Variants in ASPRV1 observed in about 807,000 individuals in gnomAD.
ASPRV1 encodes retroviral-like aspartic protease 1.
In ASPRV1, 7 loss-of-function variants were observed where a neutral mutation model predicts 11.0. That is an observed-to-expected ratio of 0.64 (90% CI 0.36 to 1.20). ASPRV1 has a LOEUF of 1.20. Ranked by LOEUF, ASPRV1 falls within the 50% of genes most tolerant of loss-of-function variation. ASPRV1 has a pLI of 0.02. For synonymous variants in ASPRV1, 136 were observed against 138.4 expected, an observed-to-expected ratio of 0.98 and a Z score of 0.12; for missense variants, 299 against 320.0, an observed-to-expected ratio of 0.93 and a Z score of 0.50.
At chr2:70,070,649 T>A in the ASPRV1 span, 2 of 154,352 alleles carry the variant, frequency 1.3e-5, no homozygotes, top group African/African-American at 4.8e-5. Context: ...AATACAAAAA[T>A]TAGCTGGGCA....
the ASPRV1 span, among the ~76,000 whole-genome samples, chr2:70,034,628 TAAAG>T: frequency 6.6e-6 from 1 of 151,776 alleles, no homozygotes; most frequent in African/African-American, 2.4e-5. Context: ...GTCCAATACT[TAAAG>T]AACCTGGTGG....
upstream of ASPRV1, chr2:69,964,719 G>A (rs964644799): frequency 1.2e-5 from 2 of 160,854 alleles, no homozygotes; most frequent in Admixed American, 6.1e-5. Flanking sequence ...GAACCCTGCA[G>A]GAGCAAAGCA....
chr2:70,059,247 AT>A, the ASPRV1 span, among the ~76,000 whole-genome samples: 1 of 133,498 alleles, frequency 7.5e-6, no homozygotes, highest in Non-Finnish European at 1.6e-5. Context: ...CAGTCTGCTG[AT>A]TGGTTTTCTT....
the ASPRV1 span, among the ~76,000 whole-genome samples, chr2:70,022,044 T>C: frequency 6.7e-6 from 1 of 149,486 alleles, no homozygotes; most frequent in Non-Finnish European, 1.5e-5. Context: ...AGATGGAGTC[T>C]GGCTCTGTCA....
the ASPRV1 span, among the ~76,000 whole-genome samples, chr2:70,040,742 G>A: frequency 1.3e-5 from 2 of 152,104 alleles, no homozygotes; most frequent in African/African-American, 4.8e-5. Flanking sequence ...GCTGAGGCAG[G>A]AGAATCACTT....
chr2:69,971,483 G>A, the ASPRV1 span, among the ~76,000 whole-genome samples: 5 of 152,156 alleles, frequency 3.3e-5, no homozygotes, highest in South Asian at 8.3e-4. Flanking sequence ...CCTCTCAAAT[G>A]TTCTAAGGCG....
the ASPRV1 span, among the ~76,000 whole-genome samples, chr2:70,056,941 T>C: frequency 6.6e-6 from 1 of 152,030 alleles, no homozygotes; most frequent in Admixed American, 6.6e-5. Context: ...TTTGCCATGT[T>C]AGGCAAGCTG....
the ASPRV1 span, among the ~76,000 whole-genome samples, chr2:69,979,054 G>C: frequency 6.6e-6 from 1 of 151,916 alleles, no homozygotes; most frequent in African/African-American, 2.4e-5. Context: ...TTGTTTTTTT[G>C]AGACAAAGTC....
the ASPRV1 span, among the ~76,000 whole-genome samples, chr2:69,946,294 G>A: frequency 3.9e-5 from 6 of 152,174 alleles, no homozygotes; most frequent in African/African-American, 1.2e-4. Flanking sequence ...ATGTCCCCTA[G>A]GTACCCCGGA....
the ASPRV1 span, among the ~76,000 whole-genome samples, chr2:70,070,993 G>T: frequency 6.6e-6 from 1 of 152,130 alleles, no homozygotes; most frequent in African/African-American, 2.4e-5. Flanking sequence ...GTCTGGGTTT[G>T]TGAGTTGTTC....
At chr2:69,934,959 T>C in the ASPRV1 span, among the ~76,000 whole-genome samples, 6,933 of 152,188 alleles carry the variant, frequency 0.046, 506 homozygotes, top group African/African-American at 0.16. Flanking sequence ...AAGCCCATCA[T>C]AAATAAAAAA....
rs1179505172 is a variant in ASPRV1, at chr2:69,961,527, G to A, written c.-91C>T. Reference sequence around the variant, plus strand: ...TCGGCGCAATCACGCTGGAAAACGGGGCCTCTCGAAGCAGAGTGGGGATGA... The same window carrying A: ...TCGGCGCAATCACGCTGGAAAACGGAGCCTCTCGAAGCAGAGTGGGGATGA... On this transcript the variant is annotated 5_prime_UTR_variant, in exon 1 of 1. Coordinates refer to ENST00000320256, the MANE Select transcript of ASPRV1 (RefSeq NM_152792.4). The A allele has an allele frequency of 1.2e-6, 2 of 1,614,142 alleles. No homozygotes were observed. Among genetic ancestry groups the A allele is most frequent in the Admixed American group, 3.3e-5 (2 of 60,026 alleles).
chr2:70,081,777 G>T, the ASPRV1 span, among the ~76,000 whole-genome samples: 3 of 151,862 alleles, frequency 2.0e-5, no homozygotes, highest in Non-Finnish European at 2.9e-5. Context: ...TAGAGACAGG[G>T]TCTCACCATG....
At chr2:69,994,588 T>C in the ASPRV1 span, among the ~76,000 whole-genome samples, 1 of 152,170 alleles carries the variant, frequency 6.6e-6, no homozygotes, top group Admixed American at 6.5e-5. Context: ...CTGTCACAGC[T>C]GGGGCAAAGA....
At chr2:69,963,492 T>C (rs150772684), upstream of ASPRV1, 5 of 451,464 alleles carry the variant, frequency 1.1e-5, no homozygotes, top group East Asian at 1.4e-4. Context: ...CCTCTGCACA[T>C]CTGGTCCCCT....
the ASPRV1 span, chr2:69,943,041 AG>A: frequency 1.3e-5 from 2 of 152,166 alleles, no homozygotes; most frequent in Non-Finnish European, 2.9e-5. Flanking sequence ...TTTTAATTTA[AG>A]GGAAACTTCA....
the ASPRV1 span, chr2:70,019,148 C>G: frequency 6.6e-6 from 1 of 152,124 alleles, no homozygotes; most frequent in South Asian, 2.1e-4. Context: ...AAATGGCCAA[C>G]AGGAATCTGA....
At chr2:70,043,444 T>C in the ASPRV1 span, among the ~76,000 whole-genome samples, 7 of 152,242 alleles carry the variant, frequency 4.6e-5, no homozygotes, top group Non-Finnish European at 4.4e-5. Flanking sequence ...AAGTTGTATG[T>C]CTTAATCACA....
the ASPRV1 span, among the ~76,000 whole-genome samples, chr2:69,968,741 C>CTGGGCCGTCTGCA: frequency 1.3e-5 from 2 of 152,236 alleles, no homozygotes; most frequent in Admixed American, 1.3e-4. Flanking sequence ...TGGCCCACTC[C>CTGGGCCGTCTGCA]TGGGCCGTCT....
Sources: allele counts gnomAD v4.1 joint callset (sites outside exome capture counted in the v4.1 genomes callset), GRCh38; gene constraint gnomAD v4.1.1; transcripts MANE v1.5; gene names NCBI Gene and HGNC (gene_info 2026-07-23, HGNC 2026-07-21).